Variants in ADGRF5 observed in about 807,000 individuals in gnomAD.
ADGRF5 encodes G-protein coupled receptor 116.
A neutral mutation model predicts 132.3 loss-of-function variants in ADGRF5; 75 were observed. That is an observed-to-expected ratio of 0.57 (90% CI 0.47 to 0.69). The LOEUF (loss-of-function observed/expected upper bound fraction) is 0.69, where lower values mean the gene tolerates loss of function less well. Among genes scored for constraint, ADGRF5 ranks in the 30% least tolerant of loss-of-function variants. The pLI, the probability that ADGRF5 is intolerant of heterozygous loss-of-function variation, is 0.00. For synonymous variants in ADGRF5, 629 were observed against 597.6 expected, an observed-to-expected ratio of 1.05 and a Z score of -0.77; for missense variants, 1,516 against 1,630.6, an observed-to-expected ratio of 0.93 and a Z score of 1.21.
chr6:46,858,664 A>G lies in ADGRF5; in HGVS notation c.3239T>C (p.Ile1080Thr). 1 of 1,614,192 alleles carries G rather than the reference A, an allele frequency of 6.2e-7. No homozygotes were observed. Among genetic ancestry groups the G allele is most frequent in the Non-Finnish European group, 8.5e-7 (1 of 1,180,026 alleles). The change falls in exon 17 of 21, where the codon ATA becomes ACA. Residue 1080 changes from isoleucine (I) to threonine (T), a missense_variant. This residue lies in a region of ADGRF5 where 571 missense variants were observed against 701.2 expected (regional missense o/e 0.81). Coordinates refer to ENST00000283296, the MANE Select transcript of ADGRF5 (RefSeq NM_001098518.2). ...VVAAIQDNRY[I>T]LCKTACVAAT... Reference sequence around the variant, plus strand: ...AGCCACACAGGCTGTCTTGCAGAGTATGTAGCGATTGTCCTGGATGGCAGC... The same window carrying G: ...AGCCACACAGGCTGTCTTGCAGAGTGTGTAGCGATTGTCCTGGATGGCAGC...
chr6:46,907,882 C>T (rs1486665722), intron 1 of ADGRF5: 2 of 152,120 alleles, frequency 1.3e-5, no homozygotes, highest in Admixed American at 1.3e-4. Context: ...TTCTGAGACT[C>T]GAATGAGATT....
chr6:46,917,448 C>T (rs961322281), intron 1 of ADGRF5, among the ~76,000 whole-genome samples: 73 of 152,166 alleles, frequency 4.8e-4, no homozygotes, highest in African/African-American at 1.6e-3. Context: ...TCTTAACGTG[C>T]CTCTATTTGC....
At chr6:46,922,429 A>G (rs1369592185), upstream of ADGRF5, among the ~76,000 whole-genome samples, 1 of 152,222 alleles carries the variant, frequency 6.6e-6, no homozygotes, top group Non-Finnish European at 1.5e-5. Context: ...GTTTCCAGGG[A>G]AACTCTGTGA....
intron 1 of ADGRF5, among the ~76,000 whole-genome samples, chr6:46,936,156 A>G (rs1045174506): frequency 1.3e-5 from 2 of 152,064 alleles, no homozygotes; most frequent in African/African-American, 2.4e-5. Flanking sequence ...CCTCACCCCC[A>G]TTTTACAGAT....
chr6:46,947,194 C>CAATAAGTAG (rs1327055570), intron 1 of ADGRF5, among the ~76,000 whole-genome samples: 1 of 152,074 alleles, frequency 6.6e-6, no homozygotes, highest in African/African-American at 2.4e-5. Flanking sequence ...CAGCTTTAGC[C>CAATAAGTAG]AATAAGTAGA....
chr6:46,893,645 G>A (rs111880452), intron 3 of ADGRF5, among the ~76,000 whole-genome samples: 49 of 152,286 alleles, frequency 3.2e-4, no homozygotes, highest in African/African-American at 9.9e-4. Context: ...GTGTGTTTTG[G>A]ATGCACTCTC....
chr6:46,908,251 C>A (rs1775594052), intron 1 of ADGRF5, among the ~76,000 whole-genome samples: 1 of 152,180 alleles, frequency 6.6e-6, no homozygotes, highest in African/African-American at 2.4e-5. Context: ...CCAGATGCAT[C>A]TGCTATGGGG....
At chr6:46,869,135 G>C (rs1487914607) in intron 11 of ADGRF5, 43 bp from the exon 12 acceptor site, 1 of 1,582,708 alleles carries the variant, frequency 6.3e-7, no homozygotes, top group Admixed American at 1.7e-5. Flanking sequence ...AAACTGACAA[G>C]TTCAATGTGT....
chr6:46,909,712 T>A (rs377427113), intron 1 of ADGRF5, among the ~76,000 whole-genome samples: 27 of 152,296 alleles, frequency 1.8e-4, no homozygotes, highest in African/African-American at 6.3e-4. Flanking sequence ...TGGTAATGCA[T>A]GCCTGCAATC....
Position 46,858,677 on chromosome 6 carries a change from C to T in ADGRF5, c.3226G>A (p.Asp1076Asn). ...GTCTTGCAGAGTATGTAGCGATTGT[C>T]CTGGATGGCAGCGACCACAATGAAC... ...TWFIVVAAIQ[D>N]NRYILCKTAC... The change falls in exon 17 of 21, where the codon GAC becomes AAC. Residue 1076 changes from aspartate to asparagine, a missense_variant. Around this residue, in one of 2 missense-constraint regions of ADGRF5, gnomAD observed 571 missense variants for 701.2 expected, o/e 0.81. Coordinates refer to ENST00000283296, the MANE Select transcript of ADGRF5 (RefSeq NM_001098518.2). 6.2e-7 allele frequency: 1 copy of T among 1,614,140 alleles called. No homozygotes were observed. Among genetic ancestry groups the T allele is most frequent in the East Asian group, 2.2e-5 (1 of 44,860 alleles).
At chr6:46,953,789 A>G (rs180755227) in intron 1 of ADGRF5, among the ~76,000 whole-genome samples, 23 of 150,702 alleles carry the variant, frequency 1.5e-4, no homozygotes, top group African/African-American at 5.1e-4. Context: ...GGTAAAATAC[A>G]TAAGTGGTAA....
At chr6:46,927,461 T>C (rs1777311848) in intron 1 of ADGRF5, among the ~76,000 whole-genome samples, 1 of 152,094 alleles carries the variant, frequency 6.6e-6, no homozygotes, top group African/African-American at 2.4e-5. Flanking sequence ...TACCTTATGC[T>C]CTGGTGAACC....
intron 1 of ADGRF5, among the ~76,000 whole-genome samples, chr6:46,941,304 T>C (rs955859967): frequency 2.0e-5 from 3 of 150,190 alleles, no homozygotes; most frequent in African/African-American, 7.4e-5. Context: ...CACTCCAACC[T>C]GGGTGACAGA....
intron 1 of ADGRF5, among the ~76,000 whole-genome samples, chr6:46,917,886 T>C (rs958434596): frequency 3.3e-5 from 5 of 152,226 alleles, no homozygotes; most frequent in Non-Finnish European, 2.9e-5. Flanking sequence ...ACCCCAGAAC[T>C]TCAAGTATAA....
chr6:46,910,007 C>CAATAA (rs3030416), intron 1 of ADGRF5, among the ~76,000 whole-genome samples: 18,039 of 148,470 alleles, frequency 0.12, 1,220 homozygotes, highest in Admixed American at 0.21. Context: ...CCCTATCTCT[C>CAATAA]AATAAAATAA....
chr6:46,925,306 C>T (rs9349381), upstream of ADGRF5, among the ~76,000 whole-genome samples: 53,877 of 152,184 alleles, frequency 0.35, 11,609 homozygotes, highest in East Asian at 0.48. Context: ...TTTGCCCTAA[C>T]ATTGCTTTCT....
At chr6:46,889,030 A>C (rs774479848) in intron 3 of ADGRF5, among the ~76,000 whole-genome samples, 27 of 151,878 alleles carry the variant, frequency 1.8e-4, no homozygotes, top group Non-Finnish European at 3.1e-4. Context: ...AGTTTGGCAA[A>C]TTGGATAGTA....
chr6:46,899,929 T>C (rs1774576857), intron 3 of ADGRF5, 100 bp downstream of exon 3: 3 of 836,464 alleles, frequency 3.6e-6, no homozygotes, highest in Non-Finnish European at 6.3e-6. Flanking sequence ...CCTGATGTGA[T>C]TGGAGGCTGA....
At position 46,853,986 on chromosome 6, in the gene ADGRF5, C is replaced by T. The variant is rs1399287315; in HGVS notation, c.*6G>A. The stretch of plus-strand genomic sequence containing the variant: ...GGGAGGTCACGTAGGTTGGATTATC[C>T]TGTTCTTAGTTGAGCAACGAAGAAG... On this transcript the variant is annotated 3_prime_UTR_variant, in exon 21 of 21. Coordinates refer to ENST00000283296, the MANE Select transcript of ADGRF5 (RefSeq NM_001098518.2). 4.4e-6 allele frequency: 7 copies of T among 1,594,170 alleles called. No homozygotes were observed. In the South Asian group the frequency reaches 6.7e-5, roughly 15 times the overall value.
Sources: gnomAD v4.1 joint callset for allele counts (sites outside exome capture counted in the v4.1 genomes callset) on GRCh38, gnomAD v4.1.1 for gene constraint, gnomAD v4.1.1 regional missense constraint, MANE v1.5 for transcripts, NCBI Gene and HGNC (gene_info 2026-07-23, HGNC 2026-07-21) for gene names.